FANK1: variants seen among roughly 807,000 people sequenced by gnomAD.
FANK1 encodes fibronectin type 3 and ankyrin repeat domains protein 1.
Under a neutral mutation model 45.3 loss-of-function variants are expected in FANK1, and 44 were observed. That is an observed-to-expected ratio of 0.97 (90% CI 0.76 to 1.25). The LOEUF (loss-of-function observed/expected upper bound fraction) is 1.25. Ranked by LOEUF, FANK1 falls within the 50% of genes most tolerant of loss-of-function variation. FANK1 has a pLI of 0.00. For missense variants in FANK1, 391 were observed against 424.4 expected (o/e 0.92, Z 0.69); for synonymous variants, 149 against 152.5 (o/e 0.98, Z 0.17).
chr10:125,912,725 C>T lies in FANK1; in HGVS notation c.13+16070C>T, dbSNP rs527302090. Among the ~76,000 whole-genome samples the T allele has an allele frequency of 2.4e-4, 36 of 152,294 alleles. 1 individual carries two copies. The South Asian group carries it at 7.5e-3, about 32-fold the overall frequency. On this transcript the variant is annotated intron_variant, in intron 1 of 10. Coordinates refer to ENST00000368693, the MANE Select transcript of FANK1 (RefSeq NM_145235.5). ...CAGTCTTGGCTCACTGCAACCTCCA[C>T]CTCCTGAGTTCAAGCAATTCTCATG...
At chr10:125,945,911 G>A (rs1047546856) in intron 1 of FANK1, among the ~76,000 whole-genome samples, 8 of 152,302 alleles carry the variant, frequency 5.3e-5, no homozygotes, top group African/African-American at 1.4e-4. Context: ...TCTGAGAACC[G>A]GCAGACTGCC....
chr10:126,005,568 A>G (rs147395083), intron 7 of FANK1, among the ~76,000 whole-genome samples: 6,524 of 152,196 alleles, frequency 0.043, 340 homozygotes, highest in East Asian at 0.12. Context: ...TCAGCCTCCC[A>G]AAGTGCTGGG....
chr10:125,949,298 G>A (rs1419972642), intron 1 of FANK1, among the ~76,000 whole-genome samples: 1 of 150,674 alleles, frequency 6.6e-6, no homozygotes, highest in Non-Finnish European at 1.5e-5. Flanking sequence ...GAAATAAAGG[G>A]TATTCAATTA....
chr10:125,917,106 A>G (rs968120191), intron 1 of FANK1, among the ~76,000 whole-genome samples: 3 of 152,208 alleles, frequency 2.0e-5, no homozygotes, highest in African/African-American at 7.2e-5. Flanking sequence ...CTAGCCCTCA[A>G]CAGATCAGAC....
At chr10:125,923,720 G>T (rs1947113098) in intron 1 of FANK1, among the ~76,000 whole-genome samples, 1 of 151,860 alleles carries the variant, frequency 6.6e-6, no homozygotes, top group African/African-American at 2.4e-5. Context: ...TAGAGACAGG[G>T]TTTTGCCATG....
intron 1 of FANK1, among the ~76,000 whole-genome samples, chr10:125,899,036 A>G (rs1178670928): frequency 6.6e-6 from 1 of 151,912 alleles, no homozygotes; most frequent in Non-Finnish European, 1.5e-5. Context: ...ATGTGACTAC[A>G]GGTGTGTGCC....
intron 1 of FANK1, among the ~76,000 whole-genome samples, chr10:125,961,389 C>T (rs1590060270): frequency 6.6e-6 from 1 of 152,244 alleles, no homozygotes; most frequent in East Asian, 1.9e-4. Context: ...GGATTACAGG[C>T]ATGAGCCACC....
At chr10:125,926,686 TGTTTA>T (rs1194706184) in intron 1 of FANK1, among the ~76,000 whole-genome samples, 1 of 152,248 alleles carries the variant, frequency 6.6e-6, no homozygotes, top group African/African-American at 2.4e-5. Context: ...GTTTCACGTT[TGTTTA>T]GTTTTATCCA....
chr10:125,995,457 T>G lies in FANK1; in HGVS notation c.357T>G (p.Ser119Arg). ...ISSEHLHRAV[S>R]VNDEDLLVRI... The stretch of plus-strand genomic sequence containing the variant: ...GTGAGCACTTGCACCGGGCTGTCAG[T>G]GTGAATGATGAAGATTTGCTGGTCC... Residue 119 changes from serine to arginine, a missense_variant, in exon 4 of 11, where the codon AGT (serine) becomes AGG (arginine). Physicochemically the swap from Ser to Arg is moderately radical, Grantham distance 110. Coordinates refer to ENST00000368693, the MANE Select transcript of FANK1 (RefSeq NM_145235.5). 1 of 1,614,134 alleles carries G rather than the reference T, an allele frequency of 6.2e-7. No individual in the cohort carries two copies. The highest frequency in any genetic ancestry group is 8.5e-7 in the Non-Finnish European group (1 of 1,180,028).
At chr10:125,919,638 G>A (rs570686998) in intron 1 of FANK1, among the ~76,000 whole-genome samples, 60 of 152,214 alleles carry the variant, frequency 3.9e-4, no homozygotes, top group Non-Finnish European at 7.6e-4. Context: ...TCTGTTGAAC[G>A]TGAACCCTAG....
At chr10:125,970,214 C>T (rs973291883) in intron 1 of FANK1, among the ~76,000 whole-genome samples, 1 of 151,608 alleles carries the variant, frequency 6.6e-6, no homozygotes, top group Non-Finnish European at 1.5e-5. Flanking sequence ...GGCAGAGGGG[C>T]CCCCCACCCC....
chr10:125,948,628 T>G lies in FANK1; in HGVS notation c.14-31533T>G, dbSNP rs574822383. On this transcript the variant is annotated intron_variant, in intron 1 of 10. Coordinates refer to ENST00000368693, the MANE Select transcript of FANK1 (RefSeq NM_145235.5). ...AAATTGTGGCAATAATCAATAGTTT[T>G]CCAACCAAAAAGAGTCCAGGACCAG... 2.6e-5 allele frequency among the ~76,000 whole-genome samples: 4 copies of G among 152,260 alleles called. No homozygotes were observed. The East Asian group carries it at 7.7e-4, about 29-fold the overall frequency.
intron 6 of FANK1, among the ~76,000 whole-genome samples, chr10:125,998,699 G>A (rs1323016748): frequency 1.3e-5 from 2 of 152,136 alleles, no homozygotes; most frequent in Non-Finnish European, 2.9e-5. Context: ...AACATGAAAA[G>A]AAGTTTGTGT....
chr10:125,996,748 C>A, intron 5 of FANK1, 124 bp downstream of exon 5: 2 of 801,282 alleles, frequency 2.5e-6, no homozygotes, highest in Non-Finnish European at 4.0e-6. Flanking sequence ...TTTCTATCTC[C>A]CAAACCGTAC....
chr10:125,928,258 T>A (rs1947505254), intron 1 of FANK1, among the ~76,000 whole-genome samples: 1 of 118,234 alleles, frequency 8.5e-6, no homozygotes, highest in South Asian at 3.4e-4. Context: ...GGATTATTCG[T>A]GCCTTTTTTT....
intron 3 of FANK1, among the ~76,000 whole-genome samples, chr10:125,989,756 C>T (rs1951801374): frequency 6.6e-6 from 1 of 152,182 alleles, no homozygotes; most frequent in Non-Finnish European, 1.5e-5. Context: ...AGGTACTTAC[C>T]TCTGGGGTTC....
At chr10:125,898,138 G>T (rs1187434085) in intron 1 of FANK1, among the ~76,000 whole-genome samples, 1 of 151,404 alleles carries the variant, frequency 6.6e-6, no homozygotes, top group African/African-American at 2.4e-5. Context: ...AGTGAGGCCA[G>T]ATTGCACCGC....
intron 1 of FANK1, among the ~76,000 whole-genome samples, chr10:125,931,185 A>G (rs1349079597): frequency 1.3e-5 from 2 of 152,226 alleles, no homozygotes; most frequent in African/African-American, 4.8e-5. Context: ...ATGCATGTGC[A>G]AGTATCTTTT....
At chr10:125,964,933 C>T (rs374139977) in intron 1 of FANK1, among the ~76,000 whole-genome samples, 54 of 152,288 alleles carry the variant, frequency 3.5e-4, no homozygotes, top group African/African-American at 1.2e-3. Context: ...CCAAGGCTGG[C>T]GGAGCACCTG....
Sources: gnomAD v4.1 joint callset for allele counts (sites outside exome capture counted in the v4.1 genomes callset) on GRCh38, gnomAD v4.1.1 for gene constraint, MANE v1.5 for transcripts, NCBI Gene and HGNC (gene_info 2026-07-23, HGNC 2026-07-21) for gene names.